The following RPF2 variants were observed in gnomAD, a reference collection of about 807,000 sequenced individuals.
RPF2 encodes the protein brix domain containing 1.
Under a neutral mutation model 38.9 loss-of-function variants are expected in RPF2, and 21 were observed. The observed-to-expected ratio is 0.54, with a 90% CI of 0.38 to 0.78. The LOEUF is 0.78. Ranked by LOEUF, RPF2 falls within the 30% of genes least tolerant of loss-of-function variation. The probability of loss-of-function intolerance (pLI) is 0.00; values close to 1 mark genes in which losing one functional copy is unlikely to be tolerated. For missense variants in RPF2, 314 were observed against 358.1 expected, an observed-to-expected ratio of 0.88 and a Z score of 0.99; for synonymous variants, 121 against 126.2, an observed-to-expected ratio of 0.96 and a Z score of 0.28.
intron 7 of RPF2, among the ~76,000 whole-genome samples, chr6:111,014,882 T>C (rs377503235): frequency 1.3e-5 from 2 of 152,330 alleles, no homozygotes; most frequent in East Asian, 3.9e-4. Context: ...CTGAGTCCAG[T>C]GGTGGGATCA....
In RPF2 at chr6:110,999,863, A is replaced by G. The variant is rs1034950692; in HGVS notation, c.393+76A>G. 7.6e-6 allele frequency: 6 copies of G among 787,340 alleles called. No individual in the cohort carries two copies. The African/African-American group carries it at 1.0e-4, about 13-fold the overall frequency. 48.8% of individuals were successfully genotyped at this position (787,340 alleles called of 1,614,324 possible). A position where few individuals can be genotyped will look rare whatever the true frequency, so the allele number is the denominator to read the frequency against. ...GTAGTGACATCTTGTGGTGAAGAGT[A>G]CTGATAGAGTTTTGTAGATCAAGAA... On this transcript the variant is annotated intron_variant, in intron 6 of 9. Coordinates refer to ENST00000441448, the MANE Select transcript of RPF2 (RefSeq NM_032194.3).
chr6:111,015,806 T>C lies in RPF2; in HGVS notation c.546T>C (p.Tyr182=), dbSNP rs751130342. Residue 182 remains tyrosine, a synonymous_variant, in exon 8 of 10, where the codon TAT becomes TAC. Transcript: ENST00000441448. ...ATATCCGCCTGGCTGGATTAGAGTA[T>C]GTTCTGCACTTCACTGCACTGAATG... ...VSNIRLAGLE[Y]VLHFTALNGK... is the part of the protein sequence containing the mutation. 5.0e-6 allele frequency: 8 copies of C among 1,613,382 alleles called. No homozygotes were observed. Among genetic ancestry groups the C allele is most frequent in the Middle Eastern group, 1.7e-4 (1 of 6,038 alleles).
chr6:110,992,711 A>G (rs918405719), intron 4 of RPF2, among the ~76,000 whole-genome samples: 1 of 152,168 alleles, frequency 6.6e-6, no homozygotes, highest in African/African-American at 2.4e-5. Flanking sequence ...AGTGAAATCA[A>G]AGATTGTTTA....
intron 6 of RPF2, among the ~76,000 whole-genome samples, chr6:111,006,726 C>T (rs1421062257): frequency 6.6e-5 from 10 of 152,124 alleles, no homozygotes; most frequent in African/African-American, 2.2e-4. Context: ...TCCTACCTCA[C>T]GTTCCGAGTG....
chr6:110,997,719 G>GA (rs200357643), intron 5 of RPF2, among the ~76,000 whole-genome samples: 5 of 150,844 alleles, frequency 3.3e-5, no homozygotes, highest in African/African-American at 4.9e-5. Context: ...TTGTCTCAAG[G>GA]AAAAAAAAAG....
chr6:111,011,521 C>G (rs1482197860), intron 7 of RPF2, among the ~76,000 whole-genome samples: 3 of 152,054 alleles, frequency 2.0e-5, no homozygotes, highest in Non-Finnish European at 4.4e-5. Flanking sequence ...CTCCTGACCT[C>G]AAGTGATCTG....
At chr6:110,988,982 T>A (rs1475997043) in intron 2 of RPF2, 46 bp from the exon 3 acceptor site, 2 of 1,579,982 alleles carry the variant, frequency 1.3e-6, no homozygotes, top group Non-Finnish European at 1.7e-6. Flanking sequence ...TATTTCTGCT[T>A]TTCAGAATGT....
rs1430185296 is a variant in RPF2, at chr6:110,997,214, T to C, written c.266T>C (p.Leu89Ser). The C allele has an allele frequency of 1.9e-6, 3 of 1,601,402 alleles. No homozygotes were observed. The highest frequency in any genetic ancestry group is 2.2e-5 in the East Asian group (1 of 44,842). Reference protein sequence around the residue: ...EFFSKKSDCSLFMFGSHNKKR... With the variant: ...EFFSKKSDCSSFMFGSHNKKR... ...TTTTCAAAGAAGTCAGATTGTTCTTTATTCATGTTTGGCTCCCATAATAAG... is the reference window on the plus strand; with the variant it reads ...TTTTCAAAGAAGTCAGATTGTTCTTCATTCATGTTTGGCTCCCATAATAAG... The change falls in exon 5 of 10, where the codon TTA becomes TCA. Residue 89 changes from leucine to serine, a missense_variant. By Grantham distance (145) the Leu-to-Ser change is moderately radical (BLOSUM62 -2). Coordinates refer to ENST00000441448, the MANE Select transcript of RPF2 (RefSeq NM_032194.3).
chr6:110,982,268 G>T, intron 1 of RPF2, 139 bp downstream of exon 1: 1 of 934,716 alleles, frequency 1.1e-6, no homozygotes, highest in Non-Finnish European at 1.7e-6. Flanking sequence ...ACCAGCCCGG[G>T]TCCTCCTCAG....
chr6:111,002,815 C>G (rs1263250511), intron 6 of RPF2, among the ~76,000 whole-genome samples: 1 of 151,304 alleles, frequency 6.6e-6, no homozygotes, highest in Non-Finnish European at 1.5e-5. Flanking sequence ...GTCGCCTAGG[C>G]AGGAGTACAG....
At chr6:110,994,009 G>A (rs750681690) in intron 4 of RPF2, among the ~76,000 whole-genome samples, 10 of 152,200 alleles carry the variant, frequency 6.6e-5, no homozygotes, top group Non-Finnish European at 1.0e-4. Flanking sequence ...GGGCATGGTG[G>A]CTCATGCCTG....
intron 7 of RPF2, among the ~76,000 whole-genome samples, chr6:111,014,142 T>C (rs1382528223): frequency 7.5e-6 from 1 of 132,770 alleles, no homozygotes; most frequent in Non-Finnish European, 1.6e-5. Flanking sequence ...GTTTTTTGGG[T>C]TTTTTTTTTT....
chr6:111,020,153 C>T (rs764692103), intron 8 of RPF2, among the ~76,000 whole-genome samples: 2 of 152,052 alleles, frequency 1.3e-5, no homozygotes, highest in Admixed American at 6.6e-5. Flanking sequence ...CTCCTGACCT[C>T]GTGATCTACC....
rs923441882 is a variant in RPF2 at position 110,986,230 on chromosome 6, G to A, written c.156+1092G>A. Among the ~76,000 whole-genome samples, 16 of 152,274 alleles carry A rather than the reference G, an allele frequency of 1.1e-4. No individual in the cohort carries two copies. The South Asian group carries it at 1.4e-3, about 14-fold the overall frequency. On this transcript the variant is annotated intron_variant, in intron 2 of 9. Transcript: ENST00000441448. The stretch of plus-strand genomic sequence containing the variant: ...ATTTGAATTCTAATCTGAAAGCTCC[G>A]TGTAATCATTGAAAGATATTAAGCA...
intron 7 of RPF2, 22 bp from the exon 8 acceptor site, chr6:111,015,732 A>G (rs777571365): frequency 2.7e-6 from 4 of 1,488,462 alleles, no homozygotes; most frequent in African/African-American, 1.4e-5. Flanking sequence ...TGTTTTGTTA[A>G]TAATTTAATA....
intron 2 of RPF2, 101 bp from the exon 3 acceptor site, chr6:110,988,927 G>T: frequency 3.5e-6 from 5 of 1,408,796 alleles, no homozygotes; most frequent in Non-Finnish European, 1.9e-6. Context: ...TAAGATTGAG[G>T]CCCCAGAGCA....
intron 8 of RPF2, among the ~76,000 whole-genome samples, chr6:111,019,833 C>T (rs982827505): frequency 6.6e-6 from 1 of 152,190 alleles, no homozygotes; most frequent in African/African-American, 2.4e-5. Flanking sequence ...ACTTGGATCT[C>T]ATCCCCAAGA....
chr6:110,985,139 G>C lies in RPF2; in HGVS notation c.156+1G>C. The C allele has an allele frequency of 1.2e-6, 2 of 1,611,600 alleles. No homozygotes were observed. Among genetic ancestry groups the C allele is most frequent in the Non-Finnish European group, 1.7e-6 (2 of 1,178,144 alleles). On this transcript the variant is annotated splice_donor_variant, in intron 2 of 9. Coordinates refer to ENST00000441448, the MANE Select transcript of RPF2 (RefSeq NM_032194.3). LOFTEE classifies it high-confidence loss of function. ...AGTGACAAAAGTACTTAAAGATGTG[G>C]TAAGTATATATACTTAATCTTTAAA... is the stretch of plus-strand genomic sequence containing the variant.
At chr6:111,022,380 T>C (rs1320490715) in intron 8 of RPF2, among the ~76,000 whole-genome samples, 1 of 152,218 alleles carries the variant, frequency 6.6e-6, no homozygotes, top group African/African-American at 2.4e-5. Flanking sequence ...CTTGAGCCCA[T>C]CTGAGAGAGA....
Sources: gnomAD v4.1 joint callset for allele counts (sites outside exome capture counted in the v4.1 genomes callset) on GRCh38, gnomAD v4.1.1 for gene constraint, MANE v1.5 for transcripts, NCBI Gene and HGNC (gene_info 2026-07-23, HGNC 2026-07-21) for gene names.